The following ERC2 variants were observed in gnomAD, a reference collection of about 807,000 sequenced individuals.
The protein encoded by ERC2 is ERC protein 2.
In ERC2, 42 loss-of-function variants were observed where a neutral mutation model predicts 114.8. That is an observed-to-expected ratio of 0.37 (90% CI 0.29 to 0.47). The LOEUF (loss-of-function observed/expected upper bound fraction) is 0.47. ERC2 is among the 20% of genes least tolerant of loss of function. The probability of loss-of-function intolerance (pLI) is 0.99; values close to 1 mark genes in which losing one functional copy is unlikely to be tolerated. For synonymous variants in ERC2, 454 were observed against 425.5 expected, an observed-to-expected ratio of 1.07 and a Z score of -0.82; for missense variants, 939 against 1,150.7, an observed-to-expected ratio of 0.82 and a Z score of 2.66.
intron 14 of ERC2, among the ~76,000 whole-genome samples, chr3:55,846,076 C>T (rs2061350201): frequency 6.6e-6 from 1 of 152,162 alleles, no homozygotes; most frequent in East Asian, 1.9e-4. Context: ...ATTTATTGTA[C>T]AGATTATTTC....
chr3:56,239,646 G>A (rs1052831420), intron 3 of ERC2, among the ~76,000 whole-genome samples: 47 of 152,250 alleles, frequency 3.1e-4, no homozygotes, highest in African/African-American at 1.1e-3. Flanking sequence ...GATGTCAACT[G>A]TGAAATACTA....
At chr3:56,171,662 T>G (rs375043276) in intron 4 of ERC2, among the ~76,000 whole-genome samples, 2 of 151,966 alleles carry the variant, frequency 1.3e-5, no homozygotes, top group East Asian at 1.9e-4. Context: ...TATTTATAAA[T>G]TTTTTTATAA....
rs187963150 is a variant in ERC2 at position 55,884,142 on chromosome 3, A to C, written c.2564+4247T>G. Among the ~76,000 whole-genome samples the C allele has an allele frequency of 1.4e-4, 22 of 152,338 alleles. No homozygotes were observed. In the East Asian group the frequency reaches 4.2e-3, roughly 29 times the overall value. On this transcript the variant is annotated intron_variant, in intron 14 of 17. Coordinates refer to ENST00000288221, the MANE Select transcript of ERC2 (RefSeq NM_015576.3). ...GCCTGACAATCCACAGGTATTTACA[A>C]ATATGTTAATAAAATAAAATTAAAC...
At position 56,249,482 on chromosome 3, in the gene ERC2, C is replaced by T. The variant is rs141087573; in HGVS notation, c.1074+46537G>A. Among the ~76,000 whole-genome samples the T allele has an allele frequency of 3.3e-3, 495 of 152,144 alleles. 1 individual carries two copies. The highest frequency in any genetic ancestry group is 0.011 in the African/African-American group (474 of 41,514). On this transcript the variant is annotated intron_variant, in intron 3 of 17. Transcript: ENST00000288221. ...CTGTGACTACAGGCGCCCGCCACCACGCCCAGCTAATTTTTTTGTATTTTT... is the reference window on the plus strand; with the variant it reads ...CTGTGACTACAGGCGCCCGCCACCATGCCCAGCTAATTTTTTTGTATTTTT...
At chr3:55,838,564 G>A (rs2060998719) in intron 14 of ERC2, among the ~76,000 whole-genome samples, 1 of 151,834 alleles carries the variant, frequency 6.6e-6, no homozygotes, top group Non-Finnish European at 1.5e-5. Flanking sequence ...CAATTAGAGA[G>A]AAATTAATAG....
At chr3:55,781,114 C>G in intron 14 of ERC2, among the ~76,000 whole-genome samples, 1 of 152,160 alleles carries the variant, frequency 6.6e-6, no homozygotes, top group East Asian at 1.9e-4. Flanking sequence ...AGACCTCAGA[C>G]AAGGAAGGCT....
intron 1 of ERC2, among the ~76,000 whole-genome samples, chr3:56,436,458 C>A (rs552683603): frequency 6.6e-6 from 1 of 152,180 alleles, no homozygotes; most frequent in East Asian, 1.9e-4. Context: ...TTTATTTTCA[C>A]CTGCCTATCA....
intron 17 of ERC2, among the ~76,000 whole-genome samples, chr3:55,667,330 G>A (rs1293604801): frequency 6.6e-6 from 1 of 152,220 alleles, no homozygotes; most frequent in Admixed American, 6.5e-5. Context: ...TTGTAAAAGT[G>A]ATGTAAATGC....
At chr3:55,858,761 G>A (rs2061896740) in intron 14 of ERC2, among the ~76,000 whole-genome samples, 1 of 152,158 alleles carries the variant, frequency 6.6e-6, no homozygotes, top group African/African-American at 2.4e-5. Flanking sequence ...TCACATAGCT[G>A]ACAGAGTAGG....
intron 12 of ERC2, among the ~76,000 whole-genome samples, chr3:55,961,264 C>A (rs146430228): frequency 6.6e-6 from 1 of 152,148 alleles, no homozygotes; most frequent in East Asian, 1.9e-4. Context: ...TAGTCCTCTG[C>A]GGCTCTGAAC....
intron 6 of ERC2, among the ~76,000 whole-genome samples, chr3:56,122,090 A>G (rs987403306): frequency 6.6e-5 from 10 of 152,236 alleles, no homozygotes; most frequent in African/African-American, 2.4e-4. Flanking sequence ...TAAGTTTGTA[A>G]TGGCAGAAAC....
At chr3:56,228,171 G>A (rs879943828) in intron 3 of ERC2, among the ~76,000 whole-genome samples, 2 of 152,140 alleles carry the variant, frequency 1.3e-5, no homozygotes, top group Non-Finnish European at 2.9e-5. Context: ...TGATATAAAT[G>A]TAAATTTTTT....
intron 1 of ERC2, among the ~76,000 whole-genome samples, chr3:56,461,489 A>T (rs1433260297): frequency 1.3e-5 from 2 of 152,208 alleles, no homozygotes; most frequent in East Asian, 3.8e-4. Context: ...GTGCTCTCAC[A>T]CTGGAAATCA....
chr3:55,855,916 C>T (rs1445295036), intron 14 of ERC2, among the ~76,000 whole-genome samples: 1 of 152,142 alleles, frequency 6.6e-6, no homozygotes, highest in Non-Finnish European at 1.5e-5. Context: ...TTAAATGTAA[C>T]TGGTGAATAA....
chr3:56,007,506 C>T (rs887825963), intron 9 of ERC2, among the ~76,000 whole-genome samples, 185 bp from the exon 10 acceptor site: 5 of 151,990 alleles, frequency 3.3e-5, no homozygotes, highest in South Asian at 4.1e-4. Flanking sequence ...GCTTACAGAA[C>T]GAGTAGGATC....
intron 3 of ERC2, among the ~76,000 whole-genome samples, chr3:56,193,720 T>A (rs1007659810): frequency 3.3e-5 from 5 of 152,174 alleles, no homozygotes; most frequent in African/African-American, 9.7e-5. Context: ...ACTATTATTA[T>A]CCCCATTTTG....
At chr3:55,958,376 T>C (rs1174926817) in intron 12 of ERC2, among the ~76,000 whole-genome samples, 4 of 152,164 alleles carry the variant, frequency 2.6e-5, no homozygotes, top group Admixed American at 2.6e-4. Flanking sequence ...GATTGTTCCA[T>C]GGGTGGCCAT....
chr3:56,204,777 A>G (rs2048615501), intron 3 of ERC2, among the ~76,000 whole-genome samples: 1 of 152,114 alleles, frequency 6.6e-6, no homozygotes. Flanking sequence ...CTGGAATTAC[A>G]GGTGTGAGCC....
rs536887127 is a variant in ERC2, at chr3:55,870,419, T to A, written c.2564+17970A>T. Reference sequence around the variant, plus strand: ...CAGAGTTCTCTGAAGAAGGAATGAGTTCCCTCAATGTTAAGTAGATTTATT... The same window carrying A: ...CAGAGTTCTCTGAAGAAGGAATGAGATCCCTCAATGTTAAGTAGATTTATT... On this transcript the variant is annotated intron_variant, in intron 14 of 17. Transcript: ENST00000288221. Among the ~76,000 whole-genome samples, 6 of 152,188 alleles carry A rather than the reference T, an allele frequency of 3.9e-5. No homozygotes were observed. The East Asian group carries it at 9.7e-4, about 25-fold the overall frequency.
Sources: gnomAD v4.1 joint callset for allele counts (sites outside exome capture counted in the v4.1 genomes callset) on GRCh38, gnomAD v4.1.1 for gene constraint, MANE v1.5 for transcripts, NCBI Gene and HGNC (gene_info 2026-07-23, HGNC 2026-07-21) for gene names.